The following ZNF540 variants were observed in gnomAD, a reference collection of about 807,000 sequenced individuals.
The protein encoded by ZNF540 is CTD-3064H18.6.
ZNF540 carries 3 observed loss-of-function variants against 11.8 expected under a neutral mutation model. That is an observed-to-expected ratio of 0.25 (90% CI 0.12 to 0.65). ZNF540 has a LOEUF of 0.65. ZNF540 is among the 30% of genes least tolerant of loss of function. The probability of loss-of-function intolerance (pLI) is 0.83; values close to 1 mark genes in which losing one functional copy is unlikely to be tolerated. For synonymous variants in ZNF540, 247 were observed against 259.0 expected (o/e 0.95, Z 0.45); for missense variants, 709 against 793.1 (o/e 0.89, Z 1.27).
chr19:37,578,637 T>C (rs2043331873), intron 1 of ZNF540, among the ~76,000 whole-genome samples: 1 of 152,108 alleles, frequency 6.6e-6, no homozygotes. Context: ...AAGGCTCGGC[T>C]TCACCCTGCC....
intron 1 of ZNF540, chr19:37,586,421 G>T: frequency 1.8e-6 from 1 of 550,722 alleles, no homozygotes; most frequent in Non-Finnish European, 3.2e-6. Context: ...TCAGAGCTCT[G>T]GGCAGAAGAC....
chr19:37,605,133 C>T (rs891908183), intron 4 of ZNF540, among the ~76,000 whole-genome samples: 1 of 152,118 alleles, frequency 6.6e-6, no homozygotes, highest in Admixed American at 6.6e-5. Context: ...GGGTTAAACA[C>T]CTGAGGGTGG....
chr19:37,581,712 C>T (rs1296228279), intron 1 of ZNF540, among the ~76,000 whole-genome samples: 1 of 151,928 alleles, frequency 6.6e-6, no homozygotes, highest in Non-Finnish European at 1.5e-5. Context: ...ATTCACCCAC[C>T]TCAGCCTCCC....
At chr19:37,586,621 C>T (rs1398680997) in intron 1 of ZNF540, 3 of 1,611,664 alleles carry the variant, frequency 1.9e-6, no homozygotes, top group Non-Finnish European at 2.5e-6. Flanking sequence ...GTTCACATTA[C>T]ACAACAAAAT....
chr19:37,566,445 A>C (rs1050331890), intron 1 of ZNF540: 77 of 816,888 alleles, frequency 9.4e-5, no homozygotes, highest in Non-Finnish European at 1.3e-4. Flanking sequence ...TAAAGGCACA[A>C]GGAGAGAATA....
chr19:37,578,985 A>G (rs1462307301), intron 1 of ZNF540, among the ~76,000 whole-genome samples: 1 of 151,658 alleles, frequency 6.6e-6, no homozygotes, highest in Non-Finnish European at 1.5e-5. Flanking sequence ...CGCAGCTGTC[A>G]GTCTCCATTG....
chr19:37,553,026 A>G, intron 1 of ZNF540, among the ~76,000 whole-genome samples: 1 of 121,848 alleles, frequency 8.2e-6, no homozygotes, highest in East Asian at 2.3e-4. Context: ...TTTTTTTTTT[A>G]ACTTTTAACC....
intron 4 of ZNF540, among the ~76,000 whole-genome samples, chr19:37,602,961 A>G (rs2044051293): frequency 6.6e-6 from 1 of 151,248 alleles, no homozygotes; most frequent in Non-Finnish European, 1.5e-5. Context: ...AGGGAACTAG[A>G]TAAGAGGTTA....
intron 1 of ZNF540, among the ~76,000 whole-genome samples, chr19:37,574,036 T>C (rs562621465): frequency 5.3e-5 from 8 of 152,342 alleles, no homozygotes; most frequent in Non-Finnish European, 1.0e-4. Context: ...TCTGTACACA[T>C]GTATTCCTGA....
chr19:37,566,060 G>C, intron 1 of ZNF540: 1 of 1,614,112 alleles, frequency 6.2e-7, no homozygotes. Flanking sequence ...AGAAGAGGTT[G>C]AATGACTTTC....
chr19:37,613,209 C>T lies in ZNF540; in HGVS notation c.1929C>T (p.Ala643=). Residue 643 remains alanine, a synonymous_variant, in exon 5 of 5, where the codon GCC becomes GCT. Transcript: ENST00000316433. ...ATGAGTGTAAGGTATGTAGAAAGGCCTTTAGACAATATTCACATCTTTATC... is the reference window on the plus strand; with the variant it reads ...ATGAGTGTAAGGTATGTAGAAAGGCTTTTAGACAATATTCACATCTTTATC... ...KPYECKVCRK[A]FRQYSHLYQH... 1 of 1,568,342 alleles carries T rather than the reference C, an allele frequency of 6.4e-7. No homozygotes were observed. Among genetic ancestry groups the T allele is most frequent in the East Asian group, 2.3e-5 (1 of 44,364 alleles).
chr19:37,601,247 G>A, intron 4 of ZNF540, 142 bp downstream of exon 4: 4 of 585,408 alleles, frequency 6.8e-6, no homozygotes, highest in East Asian at 3.0e-5. Context: ...GTTAAGACAG[G>A]GAAGAAAACA....
rs529174812 is a variant in ZNF540, at chr19:37,613,446, G to T, written c.*183G>T. The T allele has an allele frequency of 1.1e-5, 5 of 472,064 alleles. No homozygotes were observed. In the South Asian group the frequency reaches 3.2e-4, roughly 31 times the overall value. 29.2% of individuals were successfully genotyped at this position (472,064 alleles called of 1,614,324 possible). A position where few individuals can be genotyped will look rare whatever the true frequency, so the allele number is the denominator to read the frequency against. On this transcript the variant is annotated 3_prime_UTR_variant, in exon 5 of 5. Coordinates refer to ENST00000316433, the MANE Select transcript of ZNF540 (RefSeq NM_001172225.3). ...CACACTAGAAAATAAAGCTGTTAATGTAACAGTTGTGGAAAAGTGTTCTAG... is the reference window on the plus strand; with the variant it reads ...CACACTAGAAAATAAAGCTGTTAATTTAACAGTTGTGGAAAAGTGTTCTAG...
chr19:37,563,740 T>TACACATGTGGAATATATTCCACATAC (rs1568337276), intron 1 of ZNF540: 2 of 151,348 alleles, frequency 1.3e-5, no homozygotes, highest in Non-Finnish European at 2.9e-5. Context: ...GTGGAATATA[T>TACACATGTGGAATATATTCCACATAC]ACACATGTGG....
At chr19:37,566,303 AAAG>A (rs2042857566) in intron 1 of ZNF540, 1 of 1,571,042 alleles carries the variant, frequency 6.4e-7, no homozygotes, top group Admixed American at 2.0e-5. Context: ...TGTAGAATAA[AAAG>A]AAAGCAAATT....
At chr19:37,555,562 G>T (rs923486347) in intron 1 of ZNF540, 2 of 262,884 alleles carry the variant, frequency 7.6e-6, no homozygotes, top group African/African-American at 4.5e-5. Context: ...TCTCGTTCCT[G>T]TTGGCGCCTA....
chr19:37,559,611 C>A (rs1381773781), intron 1 of ZNF540, among the ~76,000 whole-genome samples: 2 of 152,120 alleles, frequency 1.3e-5, no homozygotes, highest in African/African-American at 4.8e-5. Context: ...CTCAAACCAA[C>A]TATTATTGTG....
chr19:37,611,350 A>G (rs1324711279), intron 4 of ZNF540, 163 bp from the exon 5 acceptor site: 1 of 559,250 alleles, frequency 1.8e-6, no homozygotes, highest in African/African-American at 1.9e-5. Flanking sequence ...TTCTAAGCTC[A>G]TGTTGCCTAA....
Position 37,612,200 on chromosome 19 carries a change from T to G in ZNF540, c.920T>G (p.Val307Gly), listed in dbSNP as rs1268212793. Residue 307 changes from valine to glycine, a missense_variant, in exon 5 of 5, where the codon GTT becomes GGT. By Grantham distance (109) the Val-to-Gly change is moderately radical (BLOSUM62 -3). Transcript: ENST00000316433. The part of the protein sequence containing the change: ...KSYECKECGK[V>G]FQLIFYFKEH... Reference sequence around the variant, plus strand: ...TATGAATGTAAAGAATGTGGAAAAGTTTTTCAACTTATTTTCTACTTTAAA... The same window carrying G: ...TATGAATGTAAAGAATGTGGAAAAGGTTTTCAACTTATTTTCTACTTTAAA... The G allele has an allele frequency of 1.9e-6, 3 of 1,612,168 alleles. No homozygotes were observed. In the Admixed American group the frequency reaches 5.0e-5, roughly 27 times the overall value.
Sources: allele counts gnomAD v4.1 joint callset (sites outside exome capture counted in the v4.1 genomes callset), GRCh38; gene constraint gnomAD v4.1.1; transcripts MANE v1.5; gene names NCBI Gene and HGNC (gene_info 2026-07-23, HGNC 2026-07-21).